The following FHIT variants were observed in gnomAD, a reference collection of about 807,000 sequenced individuals.
FHIT encodes bis(5'-adenosyl)-triphosphatase.
FHIT carries 19 observed loss-of-function variants against 17.9 expected under a neutral mutation model. The ratio of observed to expected loss-of-function variants is 1.06; its 90% CI spans 0.74 to 1.56. The LOEUF (loss-of-function observed/expected upper bound fraction) is 1.56. Ranked by LOEUF, FHIT falls within the 40% of genes most tolerant of loss-of-function variation. The probability of loss-of-function intolerance (pLI) is 0.00; values close to 1 mark genes in which losing one functional copy is unlikely to be tolerated. For synonymous variants in FHIT, 81 were observed against 69.7 expected (o/e 1.16, Z -0.81); for missense variants, 248 against 189.2 (o/e 1.31, Z -1.82).
At chr3:60,783,388 G>C (rs1463106092) in intron 4 of FHIT, among the ~76,000 whole-genome samples, 1 of 152,202 alleles carries the variant, frequency 6.6e-6, no homozygotes, top group Non-Finnish European at 1.5e-5. Context: ...GGTCAGAGGA[G>C]TAAGGCCTTA....
At position 59,926,195 on chromosome 3, in the gene FHIT, A is replaced by C. The variant is rs552186792; in HGVS notation, c.280-3781T>G. ...TTAAAGTATGAGAATTTCCACACAA[A>C]AGATGCTTGTTTAACTTCATCTAAT... On this transcript the variant is annotated intron_variant, in intron 7 of 9. Coordinates refer to ENST00000492590, the MANE Select transcript of FHIT (RefSeq NM_002012.4). Among the ~76,000 whole-genome samples the C allele has an allele frequency of 7.2e-5, 11 of 152,352 alleles. No homozygotes were observed. In the East Asian group the frequency reaches 2.1e-3, roughly 29 times the overall value.
chr3:60,270,435 A>G (rs1348559384), intron 5 of FHIT, among the ~76,000 whole-genome samples: 1 of 152,200 alleles, frequency 6.6e-6, no homozygotes. Flanking sequence ...TCACCAGTCC[A>G]TTTGCCTCAA....
chr3:60,491,700 G>A (rs1207013733), intron 5 of FHIT, among the ~76,000 whole-genome samples: 1 of 152,092 alleles, frequency 6.6e-6, no homozygotes. Context: ...ATCATTTTTA[G>A]CCATGGATTT....
At chr3:61,000,332 C>G (rs2030984786) in intron 3 of FHIT, among the ~76,000 whole-genome samples, 1 of 152,202 alleles carries the variant, frequency 6.6e-6, no homozygotes, top group Non-Finnish European at 1.5e-5. Flanking sequence ...TTTTTAAGCT[C>G]TGGCTGTAAG....
Position 60,638,591 on chromosome 3 carries a change from A to G in FHIT, c.-17-101612T>C, listed in dbSNP as rs527403402. Among the ~76,000 whole-genome samples the G allele has an allele frequency of 5.3e-5, 8 of 152,254 alleles. No individual in the cohort carries two copies. In the East Asian group the frequency reaches 1.5e-3, roughly 29 times the overall value. On this transcript the variant is annotated intron_variant, in intron 4 of 9. Coordinates refer to ENST00000492590, the MANE Select transcript of FHIT (RefSeq NM_002012.4). ...CAATGTCTGGGGTAAGAGTATCAGT[A>G]ATTTTAATTTGAGATGTTTTAGGTG...
chr3:60,539,961 A>T (rs1172291848), intron 4 of FHIT, among the ~76,000 whole-genome samples: 1 of 149,818 alleles, frequency 6.7e-6, no homozygotes, highest in East Asian at 1.9e-4. Context: ...ATATATAAAT[A>T]AAATAAAATA....
At chr3:60,656,580 C>T (rs559583869) in intron 4 of FHIT, among the ~76,000 whole-genome samples, 2 of 152,270 alleles carry the variant, frequency 1.3e-5, no homozygotes, top group African/African-American at 2.4e-5. Flanking sequence ...GCGCTCAATA[C>T]GTGAAATGAT....
chr3:61,024,360 C>T (rs987777902), intron 3 of FHIT, among the ~76,000 whole-genome samples: 5 of 152,030 alleles, frequency 3.3e-5, no homozygotes, highest in Admixed American at 6.6e-5. Flanking sequence ...AGAGAGGCAA[C>T]GTTTAAATAC....
chr3:60,834,205 G>A (rs1553743283), intron 3 of FHIT, among the ~76,000 whole-genome samples: 1 of 152,194 alleles, frequency 6.6e-6, no homozygotes, highest in Admixed American at 6.5e-5. Flanking sequence ...ATTTTCTAGA[G>A]TGGCTATAAC....
rs117952845 is a variant in FHIT at position 61,131,671 on chromosome 3, G to A, written c.-164+68946C>T. On this transcript the variant is annotated intron_variant, in intron 2 of 9. Transcript: ENST00000492590. The stretch of plus-strand genomic sequence containing the variant: ...CTGTCATTTGTAAGAGCACAGACCA[G>A]AACATGAGCCCAGTCTGCTGTGCAC... Among the ~76,000 whole-genome samples, 29 of 152,326 alleles carry A rather than the reference G, an allele frequency of 1.9e-4. No individual in the cohort carries two copies. The East Asian group carries it at 5.6e-3, about 29-fold the overall frequency.
At chr3:60,805,794 C>T (rs1418463103) in intron 4 of FHIT, among the ~76,000 whole-genome samples, 1 of 152,040 alleles carries the variant, frequency 6.6e-6, no homozygotes, top group Non-Finnish European at 1.5e-5. Flanking sequence ...CTCCTCACCT[C>T]GTGATCTGCC....
chr3:61,130,625 G>A (rs2036736914), intron 2 of FHIT, among the ~76,000 whole-genome samples: 1 of 152,218 alleles, frequency 6.6e-6, no homozygotes, highest in South Asian at 2.1e-4. Context: ...AGGTTAGGAA[G>A]AAGGATAAGA....
chr3:61,187,482 G>A (rs2038555364), intron 2 of FHIT, among the ~76,000 whole-genome samples: 1 of 152,024 alleles, frequency 6.6e-6, no homozygotes. Flanking sequence ...AATAATAATG[G>A]GAGACTTTAA....
chr3:60,898,427 T>C (rs2107210949), intron 3 of FHIT, among the ~76,000 whole-genome samples: 1 of 152,336 alleles, frequency 6.6e-6, no homozygotes, highest in East Asian at 1.9e-4. Flanking sequence ...GGTTTTGATA[T>C]ACGTGGTCAA....
chr3:60,699,552 G>A (rs1329846955), intron 4 of FHIT, among the ~76,000 whole-genome samples: 1 of 152,036 alleles, frequency 6.6e-6, no homozygotes, highest in Non-Finnish European at 1.5e-5. Context: ...AATTTGTAAA[G>A]TATTTTGAAT....
At chr3:60,940,843 G>T (rs1708380005) in intron 3 of FHIT, among the ~76,000 whole-genome samples, 1 of 152,120 alleles carries the variant, frequency 6.6e-6, no homozygotes, top group African/African-American at 2.4e-5. Context: ...GTTGTGGGTT[G>T]GTGATACTTT....
chr3:61,175,362 C>T (rs547182870), intron 2 of FHIT, among the ~76,000 whole-genome samples: 1 of 152,242 alleles, frequency 6.6e-6, no homozygotes, highest in South Asian at 2.1e-4. Flanking sequence ...CATCCATCTT[C>T]CACCCAGATG....
At chr3:61,243,681 T>C (rs546819126) in intron 1 of FHIT, among the ~76,000 whole-genome samples, 1 of 152,162 alleles carries the variant, frequency 6.6e-6, no homozygotes, top group African/African-American at 2.4e-5. Context: ...CTGAGTTTCT[T>C]TGGAACACAG....
intron 3 of FHIT, among the ~76,000 whole-genome samples, chr3:61,008,223 A>T (rs1174311402): frequency 6.6e-6 from 1 of 152,232 alleles, no homozygotes; most frequent in African/African-American, 2.4e-5. Flanking sequence ...TATCTCAGCC[A>T]TTTTAAAAGG....
Sources: gnomAD v4.1 joint callset for allele counts (sites outside exome capture counted in the v4.1 genomes callset) on GRCh38, gnomAD v4.1.1 for gene constraint, MANE v1.5 for transcripts, NCBI Gene and HGNC (gene_info 2026-07-23, HGNC 2026-07-21) for gene names.